Variants in ZBTB16 observed in about 807,000 individuals in gnomAD.
ZBTB16 encodes the protein zinc finger and BTB domain containing 16.
A neutral mutation model predicts 56.8 loss-of-function variants in ZBTB16; 8 were observed. That is an observed-to-expected ratio of 0.14 (90% CI 0.08 to 0.25). ZBTB16 has a LOEUF of 0.25. Ranked by LOEUF, ZBTB16 falls within the 10% of genes least tolerant of loss-of-function variation. The pLI, the probability that ZBTB16 is intolerant of heterozygous loss-of-function variation, is 1.00. For missense variants in ZBTB16, 625 were observed against 903.0 expected, an observed-to-expected ratio of 0.69 and a Z score of 3.95; for synonymous variants, 363 against 368.5, an observed-to-expected ratio of 0.98 and a Z score of 0.17.
chr11:114,168,677 G>A (rs1942863718), intron 3 of ZBTB16, among the ~76,000 whole-genome samples: 1 of 152,156 alleles, frequency 6.6e-6, no homozygotes, highest in Admixed American at 6.5e-5. Flanking sequence ...AGTATAGCAT[G>A]CTGCTATACC....
chr11:114,094,956 A>G (rs1940326077), intron 2 of ZBTB16, among the ~76,000 whole-genome samples: 1 of 152,224 alleles, frequency 6.6e-6, no homozygotes, highest in African/African-American at 2.4e-5. Context: ...AGTGCTTCGC[A>G]CTGGGCTGCA....
chr11:114,092,378 A>G (rs573472118), intron 2 of ZBTB16, among the ~76,000 whole-genome samples: 2 of 152,242 alleles, frequency 1.3e-5, no homozygotes, highest in South Asian at 4.1e-4. Flanking sequence ...CTTAAAACCT[A>G]TTTTGTGGTC....
intron 4 of ZBTB16, among the ~76,000 whole-genome samples, chr11:114,200,044 T>A (rs1019704943): frequency 6.7e-6 from 1 of 149,772 alleles, no homozygotes; most frequent in Non-Finnish European, 1.5e-5. Flanking sequence ...AGGAGAATGG[T>A]GTGAACCCGG....
Position 114,254,689 on chromosome 11 carries a change from C to G in ZBTB16, c.*4134C>G, listed in dbSNP as rs1944971370. Among the ~76,000 whole-genome samples, 1 of 152,232 alleles carries G rather than the reference C, an allele frequency of 6.6e-6. No individual in the cohort carries two copies. The highest frequency in any genetic ancestry group is 2.1e-4 in the South Asian group (1 of 4,834). On this transcript the variant is annotated 3_prime_UTR_variant, in exon 7 of 7. Coordinates refer to ENST00000335953, the MANE Select transcript of ZBTB16 (RefSeq NM_006006.6). ...TTCATTCACTTTTCCTAGGCCCATC[C>G]TGTGGTCATCTTTCCCCCTCCCATC...
At chr11:114,112,088 T>C (rs1428392272) in intron 2 of ZBTB16, among the ~76,000 whole-genome samples, 1 of 152,216 alleles carries the variant, frequency 6.6e-6, no homozygotes, top group Non-Finnish European at 1.5e-5. Flanking sequence ...GGAAAAGATG[T>C]GTAAATTTGA....
intron 4 of ZBTB16, among the ~76,000 whole-genome samples, chr11:114,190,732 C>T (rs2846021): frequency 0.33 from 21,090 of 64,516 alleles, 1,639 homozygotes; most frequent in East Asian, 0.4. Context: ...CTCTCTCATA[C>T]ACACACACAC....
intron 4 of ZBTB16, among the ~76,000 whole-genome samples, chr11:114,229,051 C>G (rs145716325): frequency 1.8e-4 from 28 of 152,302 alleles, no homozygotes; most frequent in African/African-American, 6.5e-4. Flanking sequence ...CACACACACT[C>G]ACACAGAAAA....
chr11:114,217,879 C>T (rs1420152114), intron 4 of ZBTB16, among the ~76,000 whole-genome samples: 1 of 152,186 alleles, frequency 6.6e-6, no homozygotes, highest in Admixed American at 6.5e-5. Flanking sequence ...ACCTCAGGTG[C>T]AGAGGGCTTC....
At position 114,064,662 on chromosome 11, in the gene ZBTB16, T is replaced by TC. The variant is rs2137656425; in HGVS notation, c.1268+98dup. On this transcript the variant is annotated intron_variant, in intron 2 of 6. Transcript: ENST00000335953. The surrounding 1 kb of genome is among the most constrained non-coding windows in gnomAD (Gnocchi z 4.2). Reference sequence around the variant, plus strand: ...GCTGCTCCCAAGTTAGGGGCCTGGCTCCCCTGTCTTGGCAATTTGTGAAAA... The same window carrying TC: ...GCTGCTCCCAAGTTAGGGGCCTGGCTCCCCCTGTCTTGGCAATTTGTGAAAA... The TC allele has an allele frequency of 2.0e-6, 3 of 1,485,524 alleles. No individual in the cohort carries two copies. In the East Asian group the frequency reaches 7.2e-5, roughly 36 times the overall value. The allele number at this position is 1,485,524 out of a possible 1,614,324, so 92.0% of individuals were successfully genotyped here. A position where few individuals can be genotyped will look rare whatever the true frequency, so the allele number is the denominator to read the frequency against.
chr11:114,212,009 G>A (rs1224506382), intron 4 of ZBTB16, among the ~76,000 whole-genome samples: 1 of 152,184 alleles, frequency 6.6e-6, no homozygotes, highest in Admixed American at 6.5e-5. Context: ...TGGTATTTAT[G>A]CCATTGAGGA....
At chr11:114,088,176 C>T (rs1405198134) in intron 2 of ZBTB16, among the ~76,000 whole-genome samples, 1 of 142,028 alleles carries the variant, frequency 7.0e-6, no homozygotes, top group African/African-American at 2.6e-5. Flanking sequence ...GAGTCTCACT[C>T]TGTTGCCCAG....
intron 3 of ZBTB16, among the ~76,000 whole-genome samples, chr11:114,183,664 A>G (rs1346726836): frequency 6.6e-6 from 1 of 152,162 alleles, no homozygotes; most frequent in African/African-American, 2.4e-5. Flanking sequence ...GAAGAAATAC[A>G]ATTAAAATCA....
intron 1 of ZBTB16, among the ~76,000 whole-genome samples, chr11:114,061,172 A>G (rs907458621): frequency 2.0e-5 from 3 of 150,940 alleles, no homozygotes; most frequent in African/African-American, 2.4e-5. Flanking sequence ...AGCGCGGTCG[A>G]TCCCCGGAGC....
At chr11:114,073,264 G>A (rs1046885175) in intron 2 of ZBTB16, among the ~76,000 whole-genome samples, 12 of 152,100 alleles carry the variant, frequency 7.9e-5, no homozygotes, top group African/African-American at 2.7e-4. Context: ...GGACTAGTAC[G>A]TCATCTCTTA....
At chr11:114,136,644 G>A (rs1191661837) in intron 2 of ZBTB16, among the ~76,000 whole-genome samples, 1 of 152,086 alleles carries the variant, frequency 6.6e-6, no homozygotes, top group Non-Finnish European at 1.5e-5. Flanking sequence ...TTTCCAGTGT[G>A]CCCCCACCAA....
chr11:114,231,057 A>G lies in ZBTB16; in HGVS notation c.1454-11110A>G, dbSNP rs1944435185. ...GCAGTTTCTCTGCAGGGGCCTCAGG[A>G]TGACTTTGGGAATGTCTGAAACTAG... On this transcript the variant is annotated intron_variant, in intron 4 of 6. Coordinates refer to ENST00000335953, the MANE Select transcript of ZBTB16 (RefSeq NM_006006.6). Among the ~76,000 whole-genome samples the G allele has an allele frequency of 2.0e-5, 3 of 152,280 alleles. No individual in the cohort carries two copies. In the South Asian group the frequency reaches 6.2e-4, roughly 32 times the overall value.
intron 2 of ZBTB16, among the ~76,000 whole-genome samples, chr11:114,099,272 T>C (rs1940524835): frequency 6.6e-6 from 1 of 152,206 alleles, no homozygotes; most frequent in Non-Finnish European, 1.5e-5. Context: ...AACAGTGGTC[T>C]TACAGCCTGT....
intron 2 of ZBTB16, among the ~76,000 whole-genome samples, chr11:114,148,431 C>CTCTG (rs1942185323): frequency 1.4e-5 from 1 of 69,858 alleles, no homozygotes; most frequent in Non-Finnish European, 2.8e-5. Context: ...CTCCCTCTCT[C>CTCTG]TCTCTTTCTC....
intron 3 of ZBTB16, among the ~76,000 whole-genome samples, chr11:114,168,517 T>C (rs1445284494): frequency 6.6e-6 from 1 of 152,220 alleles, no homozygotes; most frequent in Non-Finnish European, 1.5e-5. Flanking sequence ...TTCTTCAACT[T>C]TGGAAGACAG....
Sources: gnomAD v4.1 joint callset for allele counts (sites outside exome capture counted in the v4.1 genomes callset) on GRCh38, gnomAD v4.1.1 for gene constraint, Gnocchi (gnomAD v3.1) non-coding constraint, MANE v1.5 for transcripts, NCBI Gene and HGNC (gene_info 2026-07-23, HGNC 2026-07-21) for gene names.